The following TTL variants were observed in gnomAD, a reference collection of about 807,000 sequenced individuals.
TTL encodes the protein tubulin tyrosine ligase.
A neutral mutation model predicts 41.1 loss-of-function variants in TTL; 10 were observed. The observed-to-expected ratio is 0.24, with a 90% CI of 0.15 to 0.41. The LOEUF (loss-of-function observed/expected upper bound fraction) is 0.41. Ranked by LOEUF, TTL falls within the 10% of genes least tolerant of loss-of-function variation. The pLI, the probability that TTL is intolerant of heterozygous loss-of-function variation, is 1.00. For synonymous variants in TTL, 175 were observed against 175.5 expected (o/e 1.00, Z 0.02); for missense variants, 367 against 460.4 (o/e 0.80, Z 1.86).
At chr2:112,527,865 C>T (rs1247648432) in intron 6 of TTL, among the ~76,000 whole-genome samples, 1 of 152,116 alleles carries the variant, frequency 6.6e-6, no homozygotes, top group Non-Finnish European at 1.5e-5. Flanking sequence ...ATGATGTTAG[C>T]TGGTTATTTT....
intron 1 of TTL, among the ~76,000 whole-genome samples, chr2:112,484,410 C>T (rs1288479638): frequency 2.6e-5 from 4 of 151,592 alleles, no homozygotes; most frequent in Admixed American, 2.0e-4. Flanking sequence ...ATTACAGGCG[C>T]GCATCACCAT....
At position 112,482,988 on chromosome 2, in the gene TTL, C is replaced by T. The variant is rs977828053; in HGVS notation, c.157+487C>T. On this transcript the variant is annotated intron_variant, in intron 1 of 6. Transcript: ENST00000233336. This position sits in a 1 kb window ranked among gnomAD's most constrained non-coding sequence, Gnocchi z 5.3. Reference sequence around the variant, plus strand: ...GTTGAAACCCCTGAGGCTTCTGCCCCCCGAAGGCGCGGAGGAGCGATCAGA... The same window carrying T: ...GTTGAAACCCCTGAGGCTTCTGCCCTCCGAAGGCGCGGAGGAGCGATCAGA... 4.6e-5 allele frequency among the ~76,000 whole-genome samples: 7 copies of T among 152,240 alleles called. No homozygotes were observed. The highest frequency in any genetic ancestry group is 7.3e-5 in the Non-Finnish European group (5 of 68,046).
intron 5 of TTL, among the ~76,000 whole-genome samples, chr2:112,509,972 C>T (rs1298673817): frequency 2.0e-5 from 3 of 152,110 alleles, no homozygotes; most frequent in African/African-American, 7.2e-5. Context: ...GACAGATTGA[C>T]TAAACATTTA....
At chr2:112,488,538 A>T (rs1681300329) in intron 2 of TTL, among the ~76,000 whole-genome samples, 1 of 151,818 alleles carries the variant, frequency 6.6e-6, no homozygotes, top group South Asian at 2.1e-4. Context: ...CGGACAGATC[A>T]CTTAGGGTCA....
chr2:112,534,716 C>G lies in TTL; in HGVS notation c.*5921C>G, dbSNP rs574169922. On this transcript the variant is annotated 3_prime_UTR_variant, in exon 7 of 7. Transcript: ENST00000233336. ...AGGTGGCTGTAACAGTTGGAACAAA[C>G]AAACTGACCAAAAGACTTAGAAGGA... The G allele has an allele frequency of 1.3e-5, 2 of 152,140 alleles. No individual in the cohort carries two copies. Among genetic ancestry groups the G allele is most frequent in the Non-Finnish European group, 2.9e-5 (2 of 68,022 alleles). 9.4% of individuals were successfully genotyped at this position (152,140 alleles called of 1,614,324 possible).
chr2:112,495,968 A>G (rs1346621640), intron 3 of TTL, among the ~76,000 whole-genome samples: 1 of 152,192 alleles, frequency 6.6e-6, no homozygotes. Flanking sequence ...CAGCGATGAG[A>G]CAGGAAGGCC....
intron 5 of TTL, among the ~76,000 whole-genome samples, chr2:112,512,096 A>T (rs1258224276): frequency 6.6e-6 from 1 of 151,450 alleles, no homozygotes; most frequent in Non-Finnish European, 1.5e-5. Flanking sequence ...TGTTATTATT[A>T]TTATTATTAT....
At chr2:112,495,839 C>G (rs956091349) in intron 3 of TTL, among the ~76,000 whole-genome samples, 6 of 146,466 alleles carry the variant, frequency 4.1e-5, no homozygotes, top group Non-Finnish European at 6.1e-5. Flanking sequence ...GACTCCTTCT[C>G]AAAAATTAAA....
At chr2:112,517,635 T>G (rs535328602) in intron 5 of TTL, among the ~76,000 whole-genome samples, 42 of 151,870 alleles carry the variant, frequency 2.8e-4, no homozygotes, top group Admixed American at 8.5e-4. Flanking sequence ...AATTATAATA[T>G]TTTAAAGAAT....
intron 2 of TTL, among the ~76,000 whole-genome samples, chr2:112,486,946 C>T (rs527367190): frequency 4.1e-4 from 63 of 152,172 alleles, no homozygotes; most frequent in African/African-American, 1.4e-3. Flanking sequence ...TGAATTGTGC[C>T]CGTCTTGTTG....
Position 112,482,357 on chromosome 2 carries a change from G to C in TTL, c.13G>C (p.Val5Leu). Reference sequence around the variant, plus strand: ...GCGGCGCTTCGCCATGTACACCTTCGTGGTACGCGATGAGAACAGCAGCGT... The same window carrying C: ...GCGGCGCTTCGCCATGTACACCTTCCTGGTACGCGATGAGAACAGCAGCGT... MYTFVVRDENSSVYA... is the reference protein window; with the variant it reads MYTFLVRDENSSVYA... The change falls in exon 1 of 7, where the codon GTG becomes CTG. Residue 5 changes from valine (V) to leucine (L), a missense_variant. By Grantham distance (32) the Val-to-Leu change is conservative (BLOSUM62 1). Coordinates refer to ENST00000233336, the MANE Select transcript of TTL (RefSeq NM_153712.5). This position sits in a 1 kb window ranked among gnomAD's most constrained non-coding sequence, Gnocchi z 5.3. 1 of 1,560,048 alleles carries C rather than the reference G, an allele frequency of 6.4e-7. No homozygotes were observed. Among genetic ancestry groups the C allele is most frequent in the Non-Finnish European group, 8.7e-7 (1 of 1,153,138 alleles).
chr2:112,520,494 A>G, intron 6 of TTL, 69 bp downstream of exon 6: 1 of 1,583,916 alleles, frequency 6.3e-7, no homozygotes, highest in Non-Finnish European at 8.6e-7. Context: ...GTCTGTGGGT[A>G]CAAGTGTAGT....
intron 5 of TTL, among the ~76,000 whole-genome samples, chr2:112,511,611 C>T (rs115581467): frequency 0.041 from 6,247 of 151,874 alleles, 452 homozygotes; most frequent in African/African-American, 0.14. Context: ...GTTGCCCAGG[C>T]TGGAGTTCAG....
chr2:112,491,055 G>A (rs574692575), intron 2 of TTL, among the ~76,000 whole-genome samples: 344 of 151,522 alleles, frequency 2.3e-3, no homozygotes, highest in South Asian at 4.6e-3. Flanking sequence ...ACAGTGGCAC[G>A]ATCTCAGCTC....
Position 112,482,445 on chromosome 2 carries a change from A to T in TTL, c.101A>T (p.Asn34Ile), listed in dbSNP as rs1681115983. 1 of 1,610,870 alleles carries T rather than the reference A, an allele frequency of 6.2e-7. No individual in the cohort carries two copies. Among genetic ancestry groups the T allele is most frequent in the Admixed American group, 1.7e-5 (1 of 59,792 alleles). Reference protein sequence around the residue: ...TGHWKRLRRDNPRFNLMLGER... With the variant: ...TGHWKRLRRDIPRFNLMLGER... ...CACTGGAAGAGGCTGCGGCGAGACAACCCCAGATTCAACCTGATGCTGGGA... is the reference window on the plus strand; with the variant it reads ...CACTGGAAGAGGCTGCGGCGAGACATCCCCAGATTCAACCTGATGCTGGGA... The change falls in exon 1 of 7, where the codon AAC becomes ATC. Residue 34 changes from asparagine (N) to isoleucine (I), a missense_variant. Transcript: ENST00000233336. This position sits in a 1 kb window ranked among gnomAD's most constrained non-coding sequence, Gnocchi z 5.3.
chr2:112,518,164 AGC>A (rs1682123734), intron 5 of TTL, among the ~76,000 whole-genome samples: 1 of 143,892 alleles, frequency 6.9e-6, no homozygotes. Context: ...TTAAGTAGAG[AGC>A]CAGGGTTTCA....
Position 112,530,480 on chromosome 2 carries a change from G to A in TTL, c.*1685G>A, listed in dbSNP as rs922980966. 4 of 228,176 alleles carry A rather than the reference G, an allele frequency of 1.8e-5. No homozygotes were observed. Among genetic ancestry groups the A allele is most frequent in the Non-Finnish European group, 3.5e-5 (4 of 115,016 alleles). The allele number at this position is 228,176 out of a possible 1,614,324, so 14.1% of individuals were successfully genotyped here. On this transcript the variant is annotated 3_prime_UTR_variant, in exon 7 of 7. Transcript: ENST00000233336. ...GTCAGTTGTAGTCATTAATCCTTGA[G>A]GCCCAACGCAGCCGATGGGTTGGTG...
At chr2:112,516,005 G>T (rs1341087291) in intron 5 of TTL, among the ~76,000 whole-genome samples, 2 of 149,582 alleles carry the variant, frequency 1.3e-5, no homozygotes, top group African/African-American at 5.0e-5. Flanking sequence ...TAAATGCCCT[G>T]CCAAAGACAG....
chr2:112,495,613 C>G (rs6705344), intron 3 of TTL, among the ~76,000 whole-genome samples: 2 of 152,076 alleles, frequency 1.3e-5, no homozygotes, highest in African/African-American at 4.8e-5. Flanking sequence ...TTTGGGAAGC[C>G]GAGGCGGGCG....
Sources: allele counts gnomAD v4.1 joint callset (sites outside exome capture counted in the v4.1 genomes callset), GRCh38; gene constraint gnomAD v4.1.1; non-coding constraint Gnocchi (gnomAD v3.1); transcripts MANE v1.5; gene names NCBI Gene and HGNC (gene_info 2026-07-23, HGNC 2026-07-21).